SLC9A4: variants seen among roughly 807,000 people sequenced by gnomAD.
SLC9A4 encodes the protein sodium/hydrogen exchanger 4.
SLC9A4 carries 63 observed loss-of-function variants against 67.4 expected under a neutral mutation model. The ratio of observed to expected loss-of-function variants is 0.93; its 90% CI spans 0.76 to 1.15. The LOEUF (loss-of-function observed/expected upper bound fraction) is 1.15, where lower values mean the gene tolerates loss of function less well. Among genes scored for constraint, SLC9A4 ranks in the 50% most tolerant of loss-of-function variants. SLC9A4 has a pLI of 0.00. For synonymous variants in SLC9A4, 393 were observed against 367.2 expected (o/e 1.07, Z -0.80); for missense variants, 1,089 against 987.7 (o/e 1.10, Z -1.38).
chr2:102,515,515 C>A (rs1197069792), intron 8 of SLC9A4, among the ~76,000 whole-genome samples: 5 of 151,044 alleles, frequency 3.3e-5, no homozygotes, highest in African/African-American at 1.2e-4. Flanking sequence ...TGCTGCTCAT[C>A]ACATGGCTTT....
chr2:102,503,739 T>C (rs776823787), intron 3 of SLC9A4, 32 bp downstream of exon 3: 1 of 1,604,384 alleles, frequency 6.2e-7, no homozygotes, highest in Non-Finnish European at 8.5e-7. Flanking sequence ...AGTCACATAG[T>C]AATAGAAAGA....
At chr2:102,495,728 A>G (rs904990519) in intron 2 of SLC9A4, among the ~76,000 whole-genome samples, 1 of 152,190 alleles carries the variant, frequency 6.6e-6, no homozygotes. Context: ...ATGGCCAATT[A>G]ATTTTTGGCA....
intron 5 of SLC9A4, among the ~76,000 whole-genome samples, chr2:102,508,574 T>A (rs1452786700): frequency 6.6e-6 from 1 of 152,216 alleles, no homozygotes; most frequent in African/African-American, 2.4e-5. Flanking sequence ...CACAAGTTTT[T>A]GTTTTAGTTG....
chr2:102,526,463 A>G (rs1674668138), intron 11 of SLC9A4, 117 bp downstream of exon 11: 1 of 813,832 alleles, frequency 1.2e-6, no homozygotes. Flanking sequence ...ACATGATAAG[A>G]AAAAGAAGAA....
rs1191382497 is a variant in SLC9A4, at chr2:102,533,462, C to G, written c.*774C>G. 6 of 151,870 alleles carry G rather than the reference C, an allele frequency of 4.0e-5. No individual in the cohort carries two copies. The highest frequency in any genetic ancestry group is 7.3e-5 in the African/African-American group (3 of 41,222). The allele number at this position is 151,870 out of a possible 1,614,324, so 9.4% of individuals were successfully genotyped here. A position where few individuals can be genotyped will look rare whatever the true frequency, so the allele number is the denominator to read the frequency against. ...CATTTGTAGGGTGTGACATTTTACC[C>G]TAGGGTATAAAACTATTTTTCTTTT... On this transcript the variant is annotated 3_prime_UTR_variant, in exon 12 of 12. Transcript: ENST00000295269.
chr2:102,504,214 G>A (rs573761684), intron 3 of SLC9A4, among the ~76,000 whole-genome samples: 2 of 152,196 alleles, frequency 1.3e-5, no homozygotes, highest in African/African-American at 4.8e-5. Context: ...CACCACGCCC[G>A]GCTAATTTTT....
intron 4 of SLC9A4, 81 bp from the exon 5 acceptor site, chr2:102,507,998 C>A: frequency 1.5e-6 from 2 of 1,348,354 alleles, no homozygotes. Context: ...GCAGGGCACG[C>A]GCACACAACC....
intron 2 of SLC9A4, among the ~76,000 whole-genome samples, chr2:102,499,863 T>A (rs528071943): frequency 6.6e-6 from 1 of 152,290 alleles, no homozygotes; most frequent in Admixed American, 6.5e-5. Context: ...GATTGAACCA[T>A]TTGGGGAATA....
intron 2 of SLC9A4, among the ~76,000 whole-genome samples, chr2:102,488,194 G>A (rs994730124): frequency 6.6e-6 from 1 of 152,070 alleles, no homozygotes; most frequent in East Asian, 1.9e-4. Flanking sequence ...AACAACACCC[G>A]TTCATGCATC....
At position 102,508,945 on chromosome 2, in the gene SLC9A4, C is replaced by T; in HGVS notation, c.1488+12C>T. ...AGCTTCATATTCGTGTAAGTTATCT[C>T]ATAGTCACAATTAATAAATTAACAA... On this transcript the variant is annotated intron_variant, in intron 6 of 11. Coordinates refer to ENST00000295269, the MANE Select transcript of SLC9A4 (RefSeq NM_001011552.4). The T allele has an allele frequency of 6.3e-7, 1 of 1,590,970 alleles. No individual in the cohort carries two copies. The highest frequency in any genetic ancestry group is 1.7e-4 in the Middle Eastern group (1 of 5,982).
intron 2 of SLC9A4, among the ~76,000 whole-genome samples, chr2:102,494,548 G>C (rs1429689557): frequency 6.6e-6 from 1 of 152,102 alleles, no homozygotes; most frequent in African/African-American, 2.4e-5. Flanking sequence ...GAGATTAACA[G>C]AACTGATTAT....
chr2:102,487,245 C>CAG (rs1195834880), intron 2 of SLC9A4, among the ~76,000 whole-genome samples: 1 of 149,860 alleles, frequency 6.7e-6, no homozygotes, highest in African/African-American at 2.5e-5. Flanking sequence ...GAGAGAGAAA[C>CAG]AGAGAGAGAG....
chr2:102,525,603 T>A (rs1573357654), intron 10 of SLC9A4, among the ~76,000 whole-genome samples: 1 of 151,994 alleles, frequency 6.6e-6, no homozygotes. Flanking sequence ...CACCTTCACA[T>A]CAGCCACTGT....
chr2:102,505,184 C>T (rs1685023747), intron 3 of SLC9A4, 70 bp from the exon 4 acceptor site: 1 of 1,435,370 alleles, frequency 7.0e-7, no homozygotes, highest in Admixed American at 1.9e-5. Flanking sequence ...GTGGCATTGC[C>T]TGTGGGGAGG....
intron 2 of SLC9A4, among the ~76,000 whole-genome samples, chr2:102,481,422 G>A (rs1464868807): frequency 1.3e-5 from 2 of 152,052 alleles, no homozygotes; most frequent in Non-Finnish European, 2.9e-5. Context: ...TCATGACTCT[G>A]TCACATGCTG....
intron 2 of SLC9A4, among the ~76,000 whole-genome samples, chr2:102,483,829 T>C (rs74180218): frequency 9.4e-5 from 6 of 63,770 alleles, no homozygotes; most frequent in African/African-American, 4.0e-4. Flanking sequence ...TATATATATA[T>C]ATATATATAT....
At chr2:102,523,589 C>T (rs965693336) in intron 9 of SLC9A4, among the ~76,000 whole-genome samples, 2 of 152,044 alleles carry the variant, frequency 1.3e-5, no homozygotes, top group South Asian at 4.1e-4. Context: ...TCTTTCTCAC[C>T]CTGTGGGGCA....
chr2:102,516,513 T>C (rs1685281631), intron 8 of SLC9A4, among the ~76,000 whole-genome samples: 1 of 152,200 alleles, frequency 6.6e-6, no homozygotes, highest in African/African-American at 2.4e-5. Context: ...TATGAGATGA[T>C]AACAACAAAA....
intron 2 of SLC9A4, among the ~76,000 whole-genome samples, chr2:102,496,857 T>A (rs1366188873): frequency 1.3e-5 from 2 of 152,242 alleles, no homozygotes; most frequent in East Asian, 3.8e-4. Flanking sequence ...TCATGGTGGA[T>A]TAGCATCCAA....
Sources: allele counts gnomAD v4.1 joint callset (sites outside exome capture counted in the v4.1 genomes callset), GRCh38; gene constraint gnomAD v4.1.1; transcripts MANE v1.5; gene names NCBI Gene and HGNC (gene_info 2026-07-23, HGNC 2026-07-21).